GRK2: variants seen among roughly 807,000 people sequenced by gnomAD.
The protein encoded by GRK2 is adrenergic beta receptor kinase 1.
Under a neutral mutation model 97.8 loss-of-function variants are expected in GRK2, and 23 were observed. That is an observed-to-expected ratio of 0.24 (90% CI 0.17 to 0.33). GRK2 has a LOEUF of 0.33. GRK2 is among the 10% of genes least tolerant of loss of function. The pLI is 1.00. For missense variants in GRK2, 633 were observed against 956.9 expected, an observed-to-expected ratio of 0.66 and a Z score of 4.47; for synonymous variants, 425 against 381.7, an observed-to-expected ratio of 1.11 and a Z score of -1.32.
chr11:67,277,604 T>C (rs1027769324), intron 2 of GRK2, among the ~76,000 whole-genome samples: 1 of 152,164 alleles, frequency 6.6e-6, no homozygotes, highest in Non-Finnish European at 1.5e-5. Context: ...GTTCCTCCTT[T>C]GGGGTTTTTG....
intron 2 of GRK2, among the ~76,000 whole-genome samples, chr11:67,278,730 C>T (rs1423966225): frequency 6.6e-6 from 1 of 152,212 alleles, no homozygotes; most frequent in Non-Finnish European, 1.5e-5. Flanking sequence ...AACCTTTTCC[C>T]CATGCTGCAG....
chr11:67,284,476 C>A (rs777248027), intron 18 of GRK2, 103 bp downstream of exon 18: 2 of 1,367,576 alleles, frequency 1.5e-6, no homozygotes, highest in Middle Eastern at 2.6e-4. Flanking sequence ...CAGAAAGTGG[C>A]GGCTCTGGGA....
Position 67,281,026 on chromosome 11 carries a change from C to A in GRK2, c.556-67C>A. 1 of 1,416,020 alleles carries A rather than the reference C, an allele frequency of 7.1e-7. No individual in the cohort carries two copies. Among genetic ancestry groups the A allele is most frequent in the Non-Finnish European group, 9.7e-7 (1 of 1,026,460 alleles). 87.7% of individuals were successfully genotyped at this position (1,416,020 alleles called of 1,614,324 possible). On this transcript the variant is annotated intron_variant, in intron 7 of 20. Transcript: ENST00000308595. This position sits in a 1 kb window ranked among gnomAD's most constrained non-coding sequence, Gnocchi z 5.7. ...TGGCATGGGGCCAGCCCCTGCTGCC[C>A]AGGTGCCTCTGCCCCAGGGCTGGGC... is the stretch of plus-strand genomic sequence containing the variant.
intron 1 of GRK2, among the ~76,000 whole-genome samples, chr11:67,268,556 C>T (rs1859843995): frequency 6.6e-6 from 1 of 152,130 alleles, no homozygotes; most frequent in Non-Finnish European, 1.5e-5. Flanking sequence ...TCGAGACCCT[C>T]CTGCAGGATG....
chr11:67,281,427 G>A lies in GRK2; in HGVS notation c.648-32G>A. On this transcript the variant is annotated intron_variant, in intron 8 of 20. Transcript: ENST00000308595. The surrounding 1 kb of genome is among the most constrained non-coding windows in gnomAD (Gnocchi z 5.7). The stretch of plus-strand genomic sequence containing the variant: ...GCAGCCCTGGGCCCCTGCTCTGAGG[G>A]TGGGTGTTGACTGCCGACCTCTGCC... The A allele has an allele frequency of 6.3e-7, 1 of 1,595,244 alleles. No homozygotes were observed. Among genetic ancestry groups the A allele is most frequent in the Non-Finnish European group, 8.6e-7 (1 of 1,164,342 alleles).
At position 67,281,210 on chromosome 11, in the gene GRK2, G is replaced by A; in HGVS notation, c.647+26G>A. 6.3e-7 allele frequency: 1 copy of A among 1,593,750 alleles called. No homozygotes were observed. Among genetic ancestry groups the A allele is most frequent in the Non-Finnish European group, 8.6e-7 (1 of 1,165,322 alleles). On this transcript the variant is annotated intron_variant, in intron 8 of 20. Coordinates refer to ENST00000308595, the MANE Select transcript of GRK2 (RefSeq NM_001619.5). This position sits in a 1 kb window ranked among gnomAD's most constrained non-coding sequence, Gnocchi z 5.7. ...GTGAGCACCCTGCTCGGCGCGGTGG[G>A]ATACCTCGGGGAGCCGGGCTCCTGG...
intron 15 of GRK2, chr11:67,283,489 CATTT>C (rs1860199047): frequency 3.3e-6 from 2 of 611,966 alleles, no homozygotes; most frequent in Admixed American, 5.9e-5. Context: ...GTTTATCAAA[CATTT>C]ATTAAGCACT....
Position 67,282,236 on chromosome 11 carries a change from G to A in GRK2, c.958-35G>A. On this transcript the variant is annotated intron_variant, in intron 11 of 20. Transcript: ENST00000308595. The surrounding 1 kb of genome is among the most constrained non-coding windows in gnomAD (Gnocchi z 6.9). ...CTTGCCTGGCTGGGCCCCATCCTGA[G>A]CTGCCCCAGGCAGCTCACTGGGCTT... The A allele has an allele frequency of 6.2e-7, 1 of 1,601,610 alleles. No individual in the cohort carries two copies. Among genetic ancestry groups the A allele is most frequent in the Non-Finnish European group, 8.5e-7 (1 of 1,170,358 alleles).
Position 67,266,644 on chromosome 11 carries a change from G to C in GRK2, c.-56G>C. On this transcript the variant is annotated 5_prime_UTR_variant, in exon 1 of 21. Transcript: ENST00000308595. ...GGCCGGGCCGGGCCGAGCGCCGAGCGAGCAGGAGCGGCGGCGGCGGCGGCG... is the reference window on the plus strand; with the variant it reads ...GGCCGGGCCGGGCCGAGCGCCGAGCCAGCAGGAGCGGCGGCGGCGGCGGCG... The C allele has an allele frequency of 2.4e-6, 2 of 824,848 alleles. No homozygotes were observed. Among genetic ancestry groups the C allele is most frequent in the South Asian group, 9.9e-5 (2 of 20,160 alleles). 51.1% of individuals were successfully genotyped at this position (824,848 alleles called of 1,614,324 possible).
In GRK2 at chr11:67,282,426, C is replaced by G. The variant is rs1192509673; in HGVS notation, c.1053-9C>G. 3 of 1,603,256 alleles carry G rather than the reference C, an allele frequency of 1.9e-6. No individual in the cohort carries two copies. Among genetic ancestry groups the G allele is most frequent in the South Asian group, 1.1e-5 (1 of 90,934 alleles). On this transcript the variant is annotated splice_polypyrimidine_tract_variant and intron_variant, in intron 12 of 20. Coordinates refer to ENST00000308595, the MANE Select transcript of GRK2 (RefSeq NM_001619.5). The surrounding 1 kb of genome is among the most constrained non-coding windows in gnomAD (Gnocchi z 6.9). ...GCCACTCCCGCTTATGGCCCCCTTG[C>G]TCCCACAGGGGCACCCACGGGTACA...
At chr11:67,280,676 A>G in intron 6 of GRK2, 56 bp from the exon 7 acceptor site, 3 of 1,604,172 alleles carry the variant, frequency 1.9e-6, no homozygotes, top group Admixed American at 3.3e-5. Context: ...GGCTCACGAC[A>G]GCATCATCCT....
intron 2 of GRK2, among the ~76,000 whole-genome samples, chr11:67,277,832 AC>A (rs1289715201): frequency 3.3e-5 from 5 of 151,744 alleles, no homozygotes; most frequent in South Asian, 2.1e-4. Context: ...GTTTCATGTG[AC>A]CCACCCTGCG....
intron 1 of GRK2, chr11:67,271,117 A>G (rs61759806): frequency 0.039 from 5,923 of 152,328 alleles, 458 homozygotes; most frequent in Admixed American, 0.18. Flanking sequence ...GTGGGAACCA[A>G]AAGCACAGTG....
chr11:67,269,100 G>A lies in GRK2; in HGVS notation c.113+2288G>A, dbSNP rs965082070. ...GGCTACTGGCCACCCCTACATGGGGGTCCAGGCCTGGGGCATTAGGGAGCA... is the reference window on the plus strand; with the variant it reads ...GGCTACTGGCCACCCCTACATGGGGATCCAGGCCTGGGGCATTAGGGAGCA... On this transcript the variant is annotated intron_variant, in intron 1 of 20. Transcript: ENST00000308595. The surrounding 1 kb of genome is among the most constrained non-coding windows in gnomAD (Gnocchi z 4.1). 2.0e-5 allele frequency among the ~76,000 whole-genome samples: 3 copies of A among 152,236 alleles called. No homozygotes were observed. Among genetic ancestry groups the A allele is most frequent in the Non-Finnish European group, 4.4e-5 (3 of 68,028 alleles).
chr11:67,277,550 G>A (rs1014642164), intron 2 of GRK2, among the ~76,000 whole-genome samples: 1 of 152,244 alleles, frequency 6.6e-6, no homozygotes, highest in African/African-American at 2.4e-5. Flanking sequence ...AGGGAGCCCC[G>A]TGGTGGGGGT....
chr11:67,281,438 C>T lies in GRK2; in HGVS notation c.648-21C>T, dbSNP rs768225816. 3.7e-6 allele frequency: 6 copies of T among 1,609,880 alleles called. No homozygotes were observed. The highest frequency in any genetic ancestry group is 4.2e-6 in the Non-Finnish European group (5 of 1,177,202). ...CCCCTGCTCTGAGGGTGGGTGTTGA[C>T]TGCCGACCTCTGCCCCGTAGGTACG... On this transcript the variant is annotated intron_variant, in intron 8 of 20. Transcript: ENST00000308595. This position sits in a 1 kb window ranked among gnomAD's most constrained non-coding sequence, Gnocchi z 5.7.
intron 5 of GRK2, 40 bp downstream of exon 5, chr11:67,279,740 G>A: frequency 6.2e-7 from 1 of 1,613,330 alleles, no homozygotes; most frequent in Non-Finnish European, 8.5e-7. Flanking sequence ...AGGTCACCTT[G>A]GACAGCCCCT....
At position 67,282,663 on chromosome 11, in the gene GRK2, C is replaced by T; in HGVS notation, c.1161-89C>T. On this transcript the variant is annotated intron_variant, in intron 13 of 20. Transcript: ENST00000308595. The surrounding 1 kb of genome is among the most constrained non-coding windows in gnomAD (Gnocchi z 6.9). ...CCTTGGTGGTAGGGTTGGCACCGTCCCTGACTTTGGCCACAGCTCATCCAT... is the reference window on the plus strand; with the variant it reads ...CCTTGGTGGTAGGGTTGGCACCGTCTCTGACTTTGGCCACAGCTCATCCAT... 6.4e-7 allele frequency: 1 copy of T among 1,571,178 alleles called. No individual in the cohort carries two copies. The highest frequency in any genetic ancestry group is 8.7e-7 in the Non-Finnish European group (1 of 1,149,286).
At chr11:67,268,155 G>T (rs966132537) in intron 1 of GRK2, among the ~76,000 whole-genome samples, 14 of 152,186 alleles carry the variant, frequency 9.2e-5, no homozygotes, top group African/African-American at 3.1e-4. Context: ...TGTGGATGGC[G>T]TGAAATAAGA....
Sources: allele counts gnomAD v4.1 joint callset (sites outside exome capture counted in the v4.1 genomes callset), GRCh38; gene constraint gnomAD v4.1.1; non-coding constraint Gnocchi (gnomAD v3.1); transcripts MANE v1.5; gene names NCBI Gene and HGNC (gene_info 2026-07-23, HGNC 2026-07-21).